NKAIN3: variants seen among roughly 807,000 people sequenced by gnomAD.
NKAIN3 encodes sodium/potassium-transporting ATPase subunit beta-1-interacting protein 3.
In NKAIN3, 25 loss-of-function variants were observed where a neutral mutation model predicts 30.2. That is an observed-to-expected ratio of 0.83 (90% CI 0.60 to 1.16). NKAIN3 has a LOEUF of 1.16. NKAIN3 is among the 50% of genes most tolerant of loss of function. The pLI is 0.00. For synonymous variants in NKAIN3, 91 were observed against 89.6 expected (o/e 1.02, Z -0.09); for missense variants, 225 against 254.1 (o/e 0.89, Z 0.78).
At chr8:62,910,735 A>G (rs868833797) in intron 4 of NKAIN3, among the ~76,000 whole-genome samples, 1 of 145,564 alleles carries the variant, frequency 6.9e-6, no homozygotes, top group South Asian at 2.2e-4. Flanking sequence ...TCAGGTCAAG[A>G]TTCTTCCATC....
chr8:62,506,149 G>T (rs1224855832), intron 1 of NKAIN3, among the ~76,000 whole-genome samples: 1 of 145,164 alleles, frequency 6.9e-6, no homozygotes, highest in Non-Finnish European at 1.5e-5. Context: ...CCCATAACAA[G>T]ATCCTTAGCT....
intron 5 of NKAIN3, among the ~76,000 whole-genome samples, chr8:62,943,820 A>T (rs1388421895): frequency 6.7e-6 from 1 of 149,240 alleles, no homozygotes; most frequent in Non-Finnish European, 1.5e-5. Context: ...ATATATATAT[A>T]TACACCATGG....
At chr8:62,624,844 A>G (rs1386345807) in intron 3 of NKAIN3, among the ~76,000 whole-genome samples, 1 of 147,154 alleles carries the variant, frequency 6.8e-6, no homozygotes, top group African/African-American at 2.5e-5. Context: ...TTCTATTGTC[A>G]TATTCTCAAA....
chr8:62,939,731 C>T (rs951793125), intron 5 of NKAIN3, among the ~76,000 whole-genome samples: 3 of 152,022 alleles, frequency 2.0e-5, no homozygotes, highest in African/African-American at 7.2e-5. Flanking sequence ...ACCCAGCCAG[C>T]ACTACAAGAA....
At chr8:62,374,260 C>T (rs953981076) in intron 1 of NKAIN3, among the ~76,000 whole-genome samples, 5 of 152,044 alleles carry the variant, frequency 3.3e-5, no homozygotes, top group African/African-American at 1.2e-4. Context: ...GGAGTTAAGT[C>T]ATGTTTAGCT....
intron 1 of NKAIN3, among the ~76,000 whole-genome samples, chr8:62,332,925 A>C (rs1011566793): frequency 6.6e-6 from 1 of 152,078 alleles, no homozygotes; most frequent in Non-Finnish European, 1.5e-5. Flanking sequence ...ACTTGGGAGA[A>C]TGAGGTTGCG....
At chr8:62,466,329 T>C (rs941722310) in intron 1 of NKAIN3, among the ~76,000 whole-genome samples, 3 of 152,150 alleles carry the variant, frequency 2.0e-5, no homozygotes, top group Non-Finnish European at 4.4e-5. Context: ...CAATGACCAA[T>C]TTTTCTCCAA....
At chr8:62,786,001 C>CA (rs934943087) in intron 4 of NKAIN3, among the ~76,000 whole-genome samples, 2 of 152,086 alleles carry the variant, frequency 1.3e-5, no homozygotes, top group African/African-American at 4.8e-5. Context: ...AAATAAGTGT[C>CA]AGAGAGCAAA....
At chr8:62,276,763 A>G (rs991031684) in intron 1 of NKAIN3, among the ~76,000 whole-genome samples, 2 of 152,232 alleles carry the variant, frequency 1.3e-5, no homozygotes, top group Non-Finnish European at 2.9e-5. Flanking sequence ...GCTTTGCTAA[A>G]TTAATGAGAA....
intron 1 of NKAIN3, among the ~76,000 whole-genome samples, chr8:62,535,660 A>G (rs757560449): frequency 2.0e-5 from 3 of 152,158 alleles, no homozygotes; most frequent in African/African-American, 2.4e-5. Context: ...AGGGTGAGGT[A>G]TGGGGGAAAG....
intron 4 of NKAIN3, among the ~76,000 whole-genome samples, chr8:62,827,589 T>A (rs1437776051): frequency 6.6e-6 from 1 of 152,128 alleles, no homozygotes; most frequent in African/African-American, 2.4e-5. Context: ...GACCTGTGTG[T>A]CTCTCTGACA....
At chr8:62,649,742 C>A (rs1028263283) in intron 3 of NKAIN3, among the ~76,000 whole-genome samples, 1 of 152,038 alleles carries the variant, frequency 6.6e-6, no homozygotes, top group Admixed American at 6.6e-5. Context: ...GTTTAGAGTG[C>A]TCCTGGGAGA....
intron 1 of NKAIN3, among the ~76,000 whole-genome samples, chr8:62,451,243 T>TCTCTTCTCTTCTCTTCTC (rs1158418690): frequency 2.6e-5 from 4 of 151,402 alleles, no homozygotes; most frequent in Non-Finnish European, 5.9e-5. Context: ...TTCTCTTCTC[T>TCTCTTCTCTTCTCTTCTC]CTCTTCTCTT....
At chr8:62,840,607 C>T (rs541064942) in intron 4 of NKAIN3, among the ~76,000 whole-genome samples, 33 of 152,076 alleles carry the variant, frequency 2.2e-4, no homozygotes, top group African/African-American at 6.5e-4. Context: ...ATTGACCTTC[C>T]GGGATAAAAG....
chr8:62,581,949 T>C lies in NKAIN3; in HGVS notation c.192+2273T>C, dbSNP rs111162556. 3.7e-3 allele frequency among the ~76,000 whole-genome samples: 353 copies of C among 94,568 alleles called. 29 individuals are homozygous for C. The highest frequency in any genetic ancestry group is 0.014 in the African/African-American group (219 of 15,898). 62.0% of individuals were successfully genotyped at this position (94,568 alleles called of 152,430 possible). On this transcript the variant is annotated intron_variant, in intron 2 of 6. Transcript: ENST00000623646. ...CCTTTTTTCCTTCCTCCCTCCCACC[T>C]ATCCTCCCTCCCTTCCTTCTATCCT...
rs1363923842 is a variant in NKAIN3, at chr8:62,975,391, G to A, written c.*9984G>A. 2.0e-5 allele frequency among the ~76,000 whole-genome samples: 3 copies of A among 152,114 alleles called. No individual in the cohort carries two copies. The highest frequency in any genetic ancestry group is 7.2e-5 in the African/African-American group (3 of 41,404). On this transcript the variant is annotated 3_prime_UTR_variant, in exon 7 of 7. Transcript: ENST00000623646. ...TCAACTTCTTCCTGGGTTAGTCATG[G>A]TAGGGTGAATGTGTCCAGGAATTTA...
chr8:62,813,148 T>A (rs1454306143), intron 4 of NKAIN3, among the ~76,000 whole-genome samples: 1 of 151,956 alleles, frequency 6.6e-6, no homozygotes, highest in African/African-American at 2.4e-5. Flanking sequence ...TGAAAATCAG[T>A]TGGATGTAAA....
chr8:62,431,336 C>T (rs1804990720), intron 1 of NKAIN3, among the ~76,000 whole-genome samples: 1 of 151,868 alleles, frequency 6.6e-6, no homozygotes, highest in Non-Finnish European at 1.5e-5. Context: ...AGATGAACAT[C>T]ATGATTCTTT....
At chr8:62,863,446 T>C in intron 4 of NKAIN3, 11 of 1,555,062 alleles carry the variant, frequency 7.1e-6, no homozygotes, top group Middle Eastern at 1.8e-4. Context: ...ACTGTGTAGA[T>C]ATTCTAACCC....
Sources: allele counts gnomAD v4.1 joint callset (sites outside exome capture counted in the v4.1 genomes callset), GRCh38; gene constraint gnomAD v4.1.1; transcripts MANE v1.5; gene names NCBI Gene and HGNC (gene_info 2026-07-23, HGNC 2026-07-21).